The following SH3GL2 variants were observed in gnomAD, a reference collection of about 807,000 sequenced individuals.
SH3GL2 encodes SH3 domain containing GRB2 like 2, endophilin A1.
Under a neutral mutation model 46.0 loss-of-function variants are expected in SH3GL2, and 24 were observed. The ratio of observed to expected loss-of-function variants is 0.52; its 90% CI spans 0.38 to 0.73. SH3GL2 has a LOEUF of 0.73. Ranked by LOEUF, SH3GL2 falls within the 30% of genes least tolerant of loss-of-function variation. SH3GL2 has a pLI of 0.00. For missense variants in SH3GL2, 413 were observed against 424.2 expected (o/e 0.97, Z 0.23); for synonymous variants, 196 against 147.1 (o/e 1.33, Z -2.40).
intron 1 of SH3GL2, among the ~76,000 whole-genome samples, chr9:17,693,846 T>C (rs984011743): frequency 1.3e-5 from 2 of 152,210 alleles, no homozygotes; most frequent in African/African-American, 2.4e-5. Flanking sequence ...TTTGTAATCG[T>C]GGTAACCACC....
intron 1 of SH3GL2, among the ~76,000 whole-genome samples, chr9:17,715,825 A>G (rs547102337): frequency 1.1e-4 from 17 of 152,040 alleles, no homozygotes; most frequent in Non-Finnish European, 1.9e-4. Context: ...TACCTTAAAC[A>G]TGCTCAGAAC....
At chr9:17,713,852 G>C (rs1449026277) in intron 1 of SH3GL2, among the ~76,000 whole-genome samples, 1 of 151,560 alleles carries the variant, frequency 6.6e-6, no homozygotes, top group Admixed American at 6.6e-5. Flanking sequence ...TTTATATTTT[G>C]TCATCGTTGG....
At chr9:17,689,062 G>A (rs1414666381) in intron 1 of SH3GL2, among the ~76,000 whole-genome samples, 1 of 152,070 alleles carries the variant, frequency 6.6e-6, no homozygotes, top group African/African-American at 2.4e-5. Context: ...GTCATCAACA[G>A]TGATAAATCA....
At chr9:17,643,998 C>T (rs1028361669) in intron 1 of SH3GL2, among the ~76,000 whole-genome samples, 7 of 152,164 alleles carry the variant, frequency 4.6e-5, no homozygotes, top group Admixed American at 2.6e-4. Context: ...TTAATTACTG[C>T]CTCAATTTCA....
chr9:17,631,503 A>G (rs953190639), intron 1 of SH3GL2, among the ~76,000 whole-genome samples: 2 of 152,182 alleles, frequency 1.3e-5, no homozygotes, highest in Non-Finnish European at 2.9e-5. Context: ...AGTTCTGTAC[A>G]TGGAAAATAT....
At chr9:17,756,794 A>C (rs930890453) in intron 2 of SH3GL2, among the ~76,000 whole-genome samples, 2 of 152,154 alleles carry the variant, frequency 1.3e-5, no homozygotes, top group African/African-American at 4.8e-5. Context: ...ATACGTGTGC[A>C]TGTGTCTTTA....
chr9:17,647,446 T>C, intron 1 of SH3GL2, among the ~76,000 whole-genome samples: 1 of 151,986 alleles, frequency 6.6e-6, no homozygotes, highest in Non-Finnish European at 1.5e-5. Flanking sequence ...TCTCTACCGT[T>C]TGAGGAAACT....
chr9:17,691,436 G>A (rs1018327466), intron 1 of SH3GL2, among the ~76,000 whole-genome samples: 14 of 152,162 alleles, frequency 9.2e-5, no homozygotes, highest in African/African-American at 2.4e-4. Context: ...TTAGAAAAAC[G>A]TACTTAGGAC....
chr9:17,627,150 T>G (rs1819300884), intron 1 of SH3GL2, among the ~76,000 whole-genome samples: 1 of 152,060 alleles, frequency 6.6e-6, no homozygotes, highest in Non-Finnish European at 1.5e-5. Context: ...AAGCCAGAGT[T>G]TTTTCAATAC....
At position 17,710,194 on chromosome 9, in the gene SH3GL2, G is replaced by A. The variant is rs981959058; in HGVS notation, c.46-36872G>A. 2.6e-5 allele frequency among the ~76,000 whole-genome samples: 4 copies of A among 151,908 alleles called. No individual in the cohort carries two copies. The South Asian group carries it at 6.2e-4, about 24-fold the overall frequency. On this transcript the variant is annotated intron_variant, in intron 1 of 8. Transcript: ENST00000380607. Reference sequence around the variant, plus strand: ...ACAAGATCTCATGGTTTAAAAAGAGGCTTTCCTCCCTTTTGCTCTGCATTT... The same window carrying A: ...ACAAGATCTCATGGTTTAAAAAGAGACTTTCCTCCCTTTTGCTCTGCATTT...
chr9:17,786,220 A>G (rs755854808), intron 3 of SH3GL2, among the ~76,000 whole-genome samples, 161 bp from the exon 4 acceptor site: 3 of 152,182 alleles, frequency 2.0e-5, no homozygotes, highest in African/African-American at 7.2e-5. Context: ...AAAGTGGTTG[A>G]TAAGACTGAC....
chr9:17,668,924 C>A, intron 1 of SH3GL2, among the ~76,000 whole-genome samples: 1 of 152,144 alleles, frequency 6.6e-6, no homozygotes, highest in East Asian at 1.9e-4. Context: ...TCCGAGAGGG[C>A]TGGGATTACA....
chr9:17,589,174 C>T (rs995773124), intron 1 of SH3GL2: 1 of 152,144 alleles, frequency 6.6e-6, no homozygotes, highest in Admixed American at 6.5e-5. Context: ...ACATAAGGCT[C>T]AGTATGTTCC....
At chr9:17,597,646 G>T (rs1435713537) in intron 1 of SH3GL2, among the ~76,000 whole-genome samples, 1 of 152,174 alleles carries the variant, frequency 6.6e-6, no homozygotes, top group Non-Finnish European at 1.5e-5. Flanking sequence ...TAAGGGTTTT[G>T]CAAGATGCTT....
chr9:17,626,451 TC>T (rs1819283452), intron 1 of SH3GL2, among the ~76,000 whole-genome samples: 1 of 152,234 alleles, frequency 6.6e-6, no homozygotes, highest in African/African-American at 2.4e-5. Flanking sequence ...TCCTCATCTC[TC>T]TCTTATTTCC....
At chr9:17,720,484 C>G (rs1821867507) in intron 1 of SH3GL2, among the ~76,000 whole-genome samples, 1 of 152,026 alleles carries the variant, frequency 6.6e-6, no homozygotes, top group African/African-American at 2.4e-5. Context: ...ACCGAGACAG[C>G]TGGATTGGTT....
intron 2 of SH3GL2, among the ~76,000 whole-genome samples, chr9:17,752,700 C>A (rs576065673): frequency 1.3e-5 from 2 of 152,092 alleles, no homozygotes; most frequent in Non-Finnish European, 2.9e-5. Flanking sequence ...GGTCCAATTT[C>A]TTTCTTTTTT....
chr9:17,579,305 TGC>T lies in SH3GL2; in HGVS notation c.45+20_45+21del. 6.4e-7 allele frequency: 1 copy of T among 1,550,812 alleles called. No individual in the cohort carries two copies. The highest frequency in any genetic ancestry group is 1.8e-5 in the Admixed American group (1 of 54,274). ...CCACTCAGGTAAGGCGCGCGGCAGG[TGC>T]GTCCCGGGGCAGTCCGGGGCGAAGC... On this transcript the variant is annotated intron_variant, in intron 1 of 8. Transcript: ENST00000380607.
chr9:17,673,769 C>T lies in SH3GL2; in HGVS notation c.46-73297C>T, dbSNP rs142388723. 3.3e-5 allele frequency among the ~76,000 whole-genome samples: 5 copies of T among 152,296 alleles called. No individual in the cohort carries two copies. The East Asian group carries it at 9.6e-4, about 29-fold the overall frequency. The stretch of plus-strand genomic sequence containing the variant: ...CTCACCTGTGATTGTGCTGTTCTTT[C>T]TTACTCACCCTTGAGTCTTTATTAA... On this transcript the variant is annotated intron_variant, in intron 1 of 8. Coordinates refer to ENST00000380607, the MANE Select transcript of SH3GL2 (RefSeq NM_003026.5).
Sources: gnomAD v4.1 joint callset for allele counts (sites outside exome capture counted in the v4.1 genomes callset) on GRCh38, gnomAD v4.1.1 for gene constraint, MANE v1.5 for transcripts, NCBI Gene and HGNC (gene_info 2026-07-23, HGNC 2026-07-21) for gene names.